The following FAM234A variants were observed in gnomAD, a reference collection of about 807,000 sequenced individuals.
The protein encoded by FAM234A is protein FAM234A.
A neutral mutation model predicts 49.1 loss-of-function variants in FAM234A; 42 were observed. That is an observed-to-expected ratio of 0.86 (90% CI 0.67 to 1.11). The LOEUF is 1.11. Ranked by LOEUF, FAM234A falls within the 50% of genes least tolerant of loss-of-function variation. The pLI is 0.00. For missense variants in FAM234A, 815 were observed against 745.2 expected, an observed-to-expected ratio of 1.09 and a Z score of -1.09; for synonymous variants, 369 against 316.2, an observed-to-expected ratio of 1.17 and a Z score of -1.77.
downstream of FAM234A, chr16:268,983 G>A: frequency 5.9e-6 from 9 of 1,526,936 alleles, no homozygotes; most frequent in Non-Finnish European, 8.0e-6. Flanking sequence ...GCTCCCTGTG[G>A]CCTTGGTCTC....
downstream of FAM234A, among the ~76,000 whole-genome samples, chr16:267,703 C>T (rs992890895): frequency 1.3e-4 from 18 of 135,458 alleles, no homozygotes; most frequent in Non-Finnish European, 2.5e-4. Context: ...TACACACAAT[C>T]ACACGTGCTA....
At chr16:237,889 A>T (rs952776822) in intron 1 of FAM234A, among the ~76,000 whole-genome samples, 9 of 151,734 alleles carry the variant, frequency 5.9e-5, no homozygotes, top group African/African-American at 2.2e-4. Context: ...TTTTTAGTAA[A>T]GACGGGGTTT....
At chr16:255,589 C>T (rs1488466420) in intron 3 of FAM234A, among the ~76,000 whole-genome samples, 1 of 152,126 alleles carries the variant, frequency 6.6e-6, no homozygotes, top group African/African-American at 2.4e-5. Flanking sequence ...GAGAAAATTC[C>T]TCATTATCTT....
downstream of FAM234A, among the ~76,000 whole-genome samples, chr16:266,286 C>T (rs979497498): frequency 6.6e-6 from 1 of 152,230 alleles, no homozygotes; most frequent in Non-Finnish European, 1.5e-5. Flanking sequence ...GGGCACCCAG[C>T]AATCTTGACA....
In FAM234A at chr16:252,184, TG is replaced by T. The variant is rs1296156837; in HGVS notation, c.-33-2196del. On this transcript the variant is annotated intron_variant, in intron 2 of 12. Coordinates refer to ENST00000399932, the MANE Select transcript of FAM234A (RefSeq NM_032039.4). Reference sequence around the variant, plus strand: ...GCCATGTCTCTGTTTTTCTGTTTTTTGTTTTTTTTTTTTTTTTGAGACAGAG... The same window carrying T: ...GCCATGTCTCTGTTTTTCTGTTTTTTTTTTTTTTTTTTTTTTGAGACAGAG... 2.4e-3 allele frequency among the ~76,000 whole-genome samples: 306 copies of T among 128,848 alleles called. 3 individuals are homozygous for T. Among genetic ancestry groups the T allele is most frequent in the Non-Finnish European group, 3.2e-3 (205 of 63,870 alleles). 84.5% of individuals were successfully genotyped at this position (128,848 alleles called of 152,430 possible).
intron 1 of FAM234A, among the ~76,000 whole-genome samples, chr16:238,447 C>G (rs2050478288): frequency 6.6e-6 from 1 of 152,032 alleles, no homozygotes; most frequent in Non-Finnish European, 1.5e-5. Context: ...AGGGCCAGGC[C>G]TAATTTATTA....
At chr16:250,799 A>G (rs546437826) in intron 2 of FAM234A, among the ~76,000 whole-genome samples, 3 of 152,238 alleles carry the variant, frequency 2.0e-5, no homozygotes, top group Non-Finnish European at 4.4e-5. Flanking sequence ...GTTTCACACT[A>G]CAGGGGACCT....
intron 3 of FAM234A, 114 bp from the exon 4 acceptor site, chr16:259,369 G>A (rs1416289592): frequency 4.5e-6 from 3 of 672,228 alleles, no homozygotes; most frequent in East Asian, 5.0e-5. Context: ...GTCCTCGTTG[G>A]GTGCCCTCAC....
Position 264,186 on chromosome 16 carries a change from C to G in FAM234A, c.1344+15C>G. ...CCAGCGAGACGGTACGGGAGCCACC[C>G]TCGGAGCAGCCATGCTGGGAGCCGG... On this transcript the variant is annotated intron_variant, in intron 11 of 12. Coordinates refer to ENST00000399932, the MANE Select transcript of FAM234A (RefSeq NM_032039.4). 2 of 1,585,416 alleles carry G rather than the reference C, an allele frequency of 1.3e-6. No homozygotes were observed. Among genetic ancestry groups the G allele is most frequent in the South Asian group, 1.1e-5 (1 of 88,880 alleles).
chr16:262,230 G>A lies in FAM234A; in HGVS notation c.841+5G>A, dbSNP rs746300852. The A allele has an allele frequency of 5.0e-6, 8 of 1,613,648 alleles. No individual in the cohort carries two copies. Among genetic ancestry groups the A allele is most frequent in the Admixed American group, 3.3e-5 (2 of 60,004 alleles). On this transcript the variant is annotated splice_donor_5th_base_variant and intron_variant, in intron 7 of 12. Coordinates refer to ENST00000399932, the MANE Select transcript of FAM234A (RefSeq NM_032039.4). ...ACTACATCCTCTTTCCCTGCGGTAC[G>A]TTGTTTCTGCCACATCCCTGGCCAG...
rs527280707 is a variant in FAM234A, at chr16:264,757, G to A, written c.1447+41G>A. The A allele has an allele frequency of 1.1e-5, 17 of 1,607,580 alleles. No individual in the cohort carries two copies. The Admixed American group carries it at 1.8e-4, about 17-fold the overall frequency. ...GCCAGGGACCCGGGTGTTCCGCGGG[G>A]TCTGCCCTGGCTGGTCCTGAGCCGC... is the stretch of plus-strand genomic sequence containing the variant. On this transcript the variant is annotated intron_variant, in intron 12 of 12. Coordinates refer to ENST00000399932, the MANE Select transcript of FAM234A (RefSeq NM_032039.4).
chr16:263,928 A>C, intron 10 of FAM234A, 88 bp from the exon 11 acceptor site: 1 of 1,487,394 alleles, frequency 6.7e-7, no homozygotes, highest in South Asian at 1.2e-5. Context: ...CAGGGCTGGC[A>C]TGGCTGAGGG....
At position 238,533 on chromosome 16, in the gene FAM234A, A is replaced by G. The variant is rs554938925; in HGVS notation, c.-140+3676A>G. Among the ~76,000 whole-genome samples, 44 of 151,738 alleles carry G rather than the reference A, an allele frequency of 2.9e-4. No homozygotes were observed. The South Asian group carries it at 8.2e-3, about 28-fold the overall frequency. On this transcript the variant is annotated intron_variant, in intron 1 of 12. Coordinates refer to ENST00000399932, the MANE Select transcript of FAM234A (RefSeq NM_032039.4). ...TGTAATCCCAGCCCTTTGGGAGGCC[A>G]AGGGGGGCAGATCATGAGGTCAGGA...
intron 2 of FAM234A, among the ~76,000 whole-genome samples, chr16:250,009 G>A (rs1412587654): frequency 3.9e-5 from 6 of 152,070 alleles, no homozygotes; most frequent in Non-Finnish European, 8.8e-5. Flanking sequence ...GCAGTGGCGC[G>A]ATCTCGGCTC....
chr16:250,006 C>CG (rs770390983), intron 2 of FAM234A, among the ~76,000 whole-genome samples: 6 of 152,104 alleles, frequency 3.9e-5, no homozygotes, highest in Non-Finnish European at 8.8e-5. Context: ...AGTGCAGTGG[C>CG]GCGATCTCGG....
chr16:237,282 G>C (rs1282182624), intron 1 of FAM234A, among the ~76,000 whole-genome samples: 1 of 152,006 alleles, frequency 6.6e-6, no homozygotes, highest in Non-Finnish European at 1.5e-5. Context: ...ACAACACAAA[G>C]TTTAATGGAT....
downstream of FAM234A, chr16:269,627 C>T (rs772427663): frequency 2.7e-6 from 4 of 1,455,184 alleles, no homozygotes; most frequent in South Asian, 2.3e-5. Context: ...TCTGCCTCCT[C>T]ACCTCTCAGC....
chr16:266,891 C>CG (rs1184965037), downstream of FAM234A, among the ~76,000 whole-genome samples: 2 of 151,748 alleles, frequency 1.3e-5, no homozygotes, highest in African/African-American at 4.8e-5. Flanking sequence ...CCTGACAGCA[C>CG]GGGAGGGAGG....
chr16:269,324 G>A, downstream of FAM234A: 1 of 1,601,068 alleles, frequency 6.2e-7, no homozygotes, highest in Non-Finnish European at 8.5e-7. Flanking sequence ...CTCCACAGGG[G>A]TGGGAAGGAG....
Sources: gnomAD v4.1 joint callset for allele counts (sites outside exome capture counted in the v4.1 genomes callset) on GRCh38, gnomAD v4.1.1 for gene constraint, MANE v1.5 for transcripts, NCBI Gene and HGNC (gene_info 2026-07-23, HGNC 2026-07-21) for gene names.